NR2F6: variants seen among roughly 807,000 people sequenced by gnomAD.
NR2F6 encodes nuclear receptor subfamily 2 group F member 6, also known as ERBA-related gene-2.
A neutral mutation model predicts 26.5 loss-of-function variants in NR2F6; 16 were observed. The observed-to-expected ratio is 0.60, with a 90% CI of 0.41 to 0.92. The LOEUF is 0.92. Ranked by LOEUF, NR2F6 falls within the 40% of genes least tolerant of loss-of-function variation. The pLI is 0.00. For missense variants in NR2F6, 536 were observed against 631.7 expected (o/e 0.85, Z 1.62); for synonymous variants, 325 against 305.0 (o/e 1.07, Z -0.68).
rs1240991533 is a variant in NR2F6, at chr19:17,232,545, G to A, written c.1022C>T (p.Ala341Val). The change falls in exon 4 of 4, where the codon GCG becomes GTG. Residue 341 changes from alanine (A) to valine (V), a missense_variant. Physicochemically the swap from Ala to Val is moderately conservative, Grantham distance 64 (BLOSUM62 0). Transcript: ENST00000291442. ...AQVALTEYVR[A>V]QYPSQPQRFG... ...GCGCTGGGGCTGGGACGGGTACTGC[G>A]CCCGCACATACTCGGTGAGGGCCAC... 6.2e-6 allele frequency: 10 copies of A among 1,604,622 alleles called. No individual in the cohort carries two copies. Among genetic ancestry groups the A allele is most frequent in the African/African-American group, 1.3e-5 (1 of 74,788 alleles).
At chr19:17,241,429 T>C (rs1292535309) in intron 1 of NR2F6, among the ~76,000 whole-genome samples, 3 of 152,224 alleles carry the variant, frequency 2.0e-5, no homozygotes, top group Non-Finnish European at 4.4e-5. Flanking sequence ...ATTTTCCTGG[T>C]CAGCCCTCAG....
At chr19:17,232,751 GGCCA>G (rs2073415222) in intron 3 of NR2F6, 125 bp from the exon 4 acceptor site, 1 of 1,179,050 alleles carries the variant, frequency 8.5e-7, no homozygotes. Flanking sequence ...GATGGCTCAC[GGCCA>G]CAGTCCCAGC....
intron 2 of NR2F6, among the ~76,000 whole-genome samples, chr19:17,240,181 G>C (rs1208995678): frequency 1.3e-5 from 2 of 152,232 alleles, no homozygotes; most frequent in Non-Finnish European, 2.9e-5. Flanking sequence ...TAATCGGGCA[G>C]AGTTCCTGCC....
In NR2F6 at chr19:17,236,003, G is replaced by T; in HGVS notation, c.436C>A (p.Pro146Thr). The change falls in exon 3 of 4, where the codon CCC (proline) becomes ACC (threonine). Residue 146 changes from proline to threonine, a missense_variant. Coordinates refer to ENST00000291442, the MANE Select transcript of NR2F6 (RefSeq NM_005234.4). ...PGAVAASSGS[P>T]PGSALAAVAS... The stretch of plus-strand genomic sequence containing the variant: ...ACTGCCGCCAGCGCCGAGCCCGGGG[G>T]GCTGCCCGAGGAGGCGGCCACGGCA... The T allele has an allele frequency of 7.0e-7, 1 of 1,425,398 alleles. No homozygotes were observed. Among genetic ancestry groups the T allele is most frequent in the Non-Finnish European group, 9.1e-7 (1 of 1,094,968 alleles). The allele number at this position is 1,425,398 out of a possible 1,614,324, so 88.3% of individuals were successfully genotyped here. A position where few individuals can be genotyped will look rare whatever the true frequency, so the allele number is the denominator to read the frequency against.
At chr19:17,233,704 C>G (rs2073420498) in intron 3 of NR2F6, among the ~76,000 whole-genome samples, 1 of 151,958 alleles carries the variant, frequency 6.6e-6, no homozygotes, top group Non-Finnish European at 1.5e-5. Context: ...CTGTGTTGGC[C>G]AGGCTGGTCT....
chr19:17,244,873 C>G, intron 1 of NR2F6, 70 bp downstream of exon 1: 8 of 1,515,082 alleles, frequency 5.3e-6, no homozygotes, highest in Non-Finnish European at 7.1e-6. Flanking sequence ...CCAAGGTGAC[C>G]GAGCAGGTCA....
At chr19:17,243,668 C>G (rs561222638) in intron 1 of NR2F6, among the ~76,000 whole-genome samples, 1 of 152,344 alleles carries the variant, frequency 6.6e-6, no homozygotes, top group South Asian at 2.1e-4. Flanking sequence ...CATGGCCACA[C>G]CAGGCCAGCC....
At position 17,232,547 on chromosome 19, in the gene NR2F6, C is replaced by T; in HGVS notation, c.1020G>A (p.Arg340=). 1 of 1,604,186 alleles carries T rather than the reference C, an allele frequency of 6.2e-7. No individual in the cohort carries two copies. Among genetic ancestry groups the T allele is most frequent in the South Asian group, 1.1e-5 (1 of 90,496 alleles). ...GCTGGGGCTGGGACGGGTACTGCGC[C>T]CGCACATACTCGGTGAGGGCCACCT... is the stretch of plus-strand genomic sequence containing the variant. ...KAQVALTEYV[R]AQYPSQPQRF... Residue 340 remains arginine (R), a synonymous_variant, in exon 4 of 4, where the codon CGG becomes CGA. Coordinates refer to ENST00000291442, the MANE Select transcript of NR2F6 (RefSeq NM_005234.4).
intron 3 of NR2F6, among the ~76,000 whole-genome samples, chr19:17,233,435 A>AGG (rs2073419145): frequency 6.6e-6 from 1 of 152,200 alleles, no homozygotes; most frequent in South Asian, 2.1e-4. Flanking sequence ...CCAGTGACAT[A>AGG]GGGGTGCAGG....
At position 17,235,728 on chromosome 19, in the gene NR2F6, C is replaced by A; in HGVS notation, c.711G>T (p.Leu237=). The stretch of plus-strand genomic sequence containing the variant: ...TCAGCACGAAGAGCTCGCTCCAGCT[C>A]AGGCGCAGCAGCGCCACCTGGTCGG... ...PVADQVALLR[L]SWSELFVLNA... is the part of the protein sequence containing the mutation. Residue 237 remains leucine (L), a synonymous_variant, in exon 3 of 4, where the codon CTG becomes CTT. Coordinates refer to ENST00000291442, the MANE Select transcript of NR2F6 (RefSeq NM_005234.4). This position sits in a 1 kb window ranked among gnomAD's most constrained non-coding sequence, Gnocchi z 5.0. 2 of 1,501,760 alleles carry A rather than the reference C, an allele frequency of 1.3e-6. No individual in the cohort carries two copies. The highest frequency in any genetic ancestry group is 1.8e-6 in the Non-Finnish European group (2 of 1,134,092). 93.0% of individuals were successfully genotyped at this position (1,501,760 alleles called of 1,614,324 possible).
rs1287273325 is a variant in NR2F6 at position 17,245,071 on chromosome 19, C to G, written c.150G>C (p.Pro50=). 6.3e-7 allele frequency: 1 copy of G among 1,594,734 alleles called. No individual in the cohort carries two copies. The highest frequency in any genetic ancestry group is 2.3e-5 in the East Asian group (1 of 42,938). ...SDAEPGDEER[P]GLQVDCVVCG... ...ACACCACGCAGTCCACCTGCAGCCCCGGCCGCTCCTCGTCGCCCGGCTCGG... is the reference window on the plus strand; with the variant it reads ...ACACCACGCAGTCCACCTGCAGCCCGGGCCGCTCCTCGTCGCCCGGCTCGG... Residue 50 remains proline, a synonymous_variant, in exon 1 of 4, where the codon CCG becomes CCC. Coordinates refer to ENST00000291442, the MANE Select transcript of NR2F6 (RefSeq NM_005234.4). This position sits in a 1 kb window ranked among gnomAD's most constrained non-coding sequence, Gnocchi z 5.0.
chr19:17,238,429 TA>T (rs1238440673), intron 2 of NR2F6, among the ~76,000 whole-genome samples: 2 of 151,838 alleles, frequency 1.3e-5, no homozygotes, highest in Non-Finnish European at 2.9e-5. Context: ...AAGGCAAGGT[TA>T]GGGAGGGAGC....
intron 2 of NR2F6, among the ~76,000 whole-genome samples, chr19:17,237,648 G>T (rs2073446976): frequency 1.3e-5 from 2 of 152,170 alleles, no homozygotes; most frequent in Admixed American, 6.6e-5. Flanking sequence ...CTGACCTCGT[G>T]ATCTGCCCAC....
chr19:17,241,332 TAAA>T (rs1568318006), intron 1 of NR2F6, among the ~76,000 whole-genome samples: 2 of 151,320 alleles, frequency 1.3e-5, no homozygotes, highest in African/African-American at 2.4e-5. Context: ...AATGAGGAAG[TAAA>T]CAAAGTCACT....
Position 17,235,770 on chromosome 19 carries a change from G to C in NR2F6, c.669C>G (p.Phe223Leu). ...CCTGGTCGGCCACCGGCAGCTCGGG[G>C]AAGAAGGGCGCGTGGCGCGCCCACT... ...TVEWARHAPF[F>L]PELPVADQVA... is the part of the protein sequence containing the mutation. Residue 223 changes from phenylalanine (F) to leucine (L), a missense_variant, in exon 3 of 4, where the codon TTC becomes TTG. Physicochemically the swap from Phe to Leu is conservative, Grantham distance 22 (BLOSUM62 0). Transcript: ENST00000291442. This position sits in a 1 kb window ranked among gnomAD's most constrained non-coding sequence, Gnocchi z 5.0. 6.7e-7 allele frequency: 1 copy of C among 1,498,096 alleles called. No individual in the cohort carries two copies. The highest frequency in any genetic ancestry group is 8.8e-7 in the Non-Finnish European group (1 of 1,132,344). 92.8% of individuals were successfully genotyped at this position (1,498,096 alleles called of 1,614,324 possible).
At chr19:17,238,658 G>C (rs2073452206) in intron 2 of NR2F6, among the ~76,000 whole-genome samples, 1 of 152,106 alleles carries the variant, frequency 6.6e-6, no homozygotes, top group Admixed American at 6.6e-5. Context: ...ATGTTATGGG[G>C]GCAGGGACAA....
intron 1 of NR2F6, among the ~76,000 whole-genome samples, chr19:17,243,508 C>A (rs749031738): frequency 1.9e-4 from 29 of 151,910 alleles, no homozygotes; most frequent in African/African-American, 7.0e-4. Flanking sequence ...CCTCAGGAAG[C>A]TCCTGGGACC....
intron 3 of NR2F6, among the ~76,000 whole-genome samples, chr19:17,234,803 G>T (rs569186946): frequency 6.6e-6 from 1 of 152,250 alleles, no homozygotes; most frequent in Non-Finnish European, 1.5e-5. Flanking sequence ...AGGCTGCAGT[G>T]AACCGTGTTC....
In NR2F6 at chr19:17,235,674, G is replaced by C. The variant is rs1423579072; in HGVS notation, c.765C>G (p.His255Gln). 2.0e-6 allele frequency: 3 copies of C among 1,506,482 alleles called. No individual in the cohort carries two copies. The highest frequency in any genetic ancestry group is 2.6e-6 in the Non-Finnish European group (3 of 1,136,760). The allele number at this position is 1,506,482 out of a possible 1,614,324, so 93.3% of individuals were successfully genotyped here. Residue 255 changes from histidine to glutamine, a missense_variant, in exon 3 of 4, where the codon CAC becomes CAG. Transcript: ENST00000291442. This position sits in a 1 kb window ranked among gnomAD's most constrained non-coding sequence, Gnocchi z 5.0. ...CGGCGGCGGCCAGTAGCGGCGCCGT[G>C]TGCAGGGGCAGCGCCGCCTGCGCCG... Reference protein sequence around the residue: ...LNAAQAALPLHTAPLLAAAGL... With the variant: ...LNAAQAALPLQTAPLLAAAGL...
Sources: gnomAD v4.1 joint callset for allele counts (sites outside exome capture counted in the v4.1 genomes callset) on GRCh38, gnomAD v4.1.1 for gene constraint, Gnocchi (gnomAD v3.1) non-coding constraint, MANE v1.5 for transcripts, NCBI Gene and HGNC (gene_info 2026-07-23, HGNC 2026-07-21) for gene names.